Variants in MYOCD observed in about 807,000 individuals in gnomAD.
MYOCD encodes myocardin.
A neutral mutation model predicts 96.1 loss-of-function variants in MYOCD; 32 were observed. That is an observed-to-expected ratio of 0.33 (90% CI 0.25 to 0.45). The LOEUF (loss-of-function observed/expected upper bound fraction) is 0.45. Among genes scored for constraint, MYOCD ranks in the 20% least tolerant of loss-of-function variants. The probability of loss-of-function intolerance (pLI) is 1.00; values close to 1 mark genes in which losing one functional copy is unlikely to be tolerated. For synonymous variants in MYOCD, 469 were observed against 469.0 expected (o/e 1.00, Z 0.00); for missense variants, 1,133 against 1,200.6 (o/e 0.94, Z 0.83).
intron 1 of MYOCD, among the ~76,000 whole-genome samples, chr17:12,703,984 C>G (rs567519063): frequency 6.6e-6 from 1 of 152,238 alleles, no homozygotes; most frequent in Non-Finnish European, 1.5e-5. Context: ...TTGGAAATAA[C>G]TATTTTAAAG....
In MYOCD at chr17:12,763,211, C is replaced by T. The variant is rs756091535; in HGVS notation, c.2528C>T (p.Pro843Leu). 6.2e-7 allele frequency: 1 copy of T among 1,613,984 alleles called. No homozygotes were observed. The highest frequency in any genetic ancestry group is 1.3e-5 in the African/African-American group (1 of 74,902). The change falls in exon 14 of 14, where the codon CCC (proline) becomes CTC (leucine). Residue 843 changes from proline to leucine, a missense_variant. Pro to Leu is a moderately conservative substitution (Grantham distance 98, BLOSUM62 -3). Coordinates refer to ENST00000425538, the MANE Select transcript of MYOCD (RefSeq NM_001146312.3). ...FEQASSGSQIPFDPYATDSDE... is the reference protein window; with the variant it reads ...FEQASSGSQILFDPYATDSDE... The stretch of plus-strand genomic sequence containing the variant: ...CAAGCCTCTTCAGGCAGCCAGATCC[C>T]CTTTGATCCCTATGCCACCGACAGT...
chr17:12,677,348 C>T (rs1031864031), intron 1 of MYOCD, among the ~76,000 whole-genome samples: 1 of 152,022 alleles, frequency 6.6e-6, no homozygotes, highest in Non-Finnish European at 1.5e-5. Flanking sequence ...CAACAAACCC[C>T]CATGACACGC....
At chr17:12,718,053 A>G (rs1046973089) in intron 4 of MYOCD, among the ~76,000 whole-genome samples, 4 of 151,934 alleles carry the variant, frequency 2.6e-5, no homozygotes, top group Non-Finnish European at 4.4e-5. Flanking sequence ...ATTGGTGCCC[A>G]CCCTAAAAGA....
intron 1 of MYOCD, among the ~76,000 whole-genome samples, chr17:12,700,399 ATTTTTT>A (rs952565560): frequency 2.0e-4 from 15 of 76,890 alleles, no homozygotes; most frequent in African/African-American, 8.1e-4. Context: ...CAATGGGAGA[ATTTTTT>A]TTTTTTTTTT....
chr17:12,717,380 G>C lies in MYOCD; in HGVS notation c.212G>C (p.Arg71Thr). The C allele has an allele frequency of 6.2e-7, 1 of 1,614,102 alleles. No homozygotes were observed. Among genetic ancestry groups the C allele is most frequent in the Non-Finnish European group, 8.5e-7 (1 of 1,179,998 alleles). ...KNSLKRKARN[R>T]CNSADLVNMH... Reference sequence around the variant, plus strand: ...TCCCTGAAGCGCAAAGCCAGAAACAGGTGCAACAGTGCCGACTTGGTTAAT... The same window carrying C: ...TCCCTGAAGCGCAAAGCCAGAAACACGTGCAACAGTGCCGACTTGGTTAAT... The change falls in exon 4 of 14, where the codon AGG becomes ACG. Residue 71 changes from arginine (R) to threonine (T), a missense_variant. Transcript: ENST00000425538.
At chr17:12,727,045 G>T (rs2032019917) in intron 5 of MYOCD, among the ~76,000 whole-genome samples, 1 of 152,146 alleles carries the variant, frequency 6.6e-6, no homozygotes, top group African/African-American at 2.4e-5. Flanking sequence ...AAGTTTCTCT[G>T]AAGAATCATG....
intron 1 of MYOCD, among the ~76,000 whole-genome samples, chr17:12,685,089 A>G (rs1393943151): frequency 6.6e-6 from 1 of 151,908 alleles, no homozygotes; most frequent in Non-Finnish European, 1.5e-5. Context: ...TGAGGTCAGG[A>G]GTTCGAGACT....
intron 10 of MYOCD, 60 bp downstream of exon 10, chr17:12,753,406 T>G: frequency 7.0e-7 from 1 of 1,437,466 alleles, no homozygotes; most frequent in South Asian, 1.4e-5. Flanking sequence ...GTTACAAATT[T>G]TCAACTGCTA....
chr17:12,763,730 C>T lies in MYOCD; in HGVS notation c.*86C>T. On this transcript the variant is annotated 3_prime_UTR_variant, in exon 14 of 14. Coordinates refer to ENST00000425538, the MANE Select transcript of MYOCD (RefSeq NM_001146312.3). ...CCATACATACTTTACTGTCCAAAAA[C>T]AGAAGAAGAAGAAGAGAATTAAAAA... The T allele has an allele frequency of 8.7e-7, 1 of 1,154,742 alleles. No homozygotes were observed. Among genetic ancestry groups the T allele is most frequent in the Non-Finnish European group, 1.2e-6 (1 of 824,418 alleles). The allele number at this position is 1,154,742 out of a possible 1,614,324, so 71.5% of individuals were successfully genotyped here.
At chr17:12,729,455 G>C (rs568334424) in intron 5 of MYOCD, among the ~76,000 whole-genome samples, 7 of 152,136 alleles carry the variant, frequency 4.6e-5, no homozygotes, top group Non-Finnish European at 1.0e-4. Flanking sequence ...ATTGAGAGGT[G>C]GGCAGGGCAT....
intron 1 of MYOCD, among the ~76,000 whole-genome samples, chr17:12,676,657 A>C (rs561589481): frequency 6.6e-6 from 1 of 152,272 alleles, no homozygotes; most frequent in African/African-American, 2.4e-5. Context: ...TTGTTCTCAA[A>C]TTCTCATTAA....
intron 5 of MYOCD, among the ~76,000 whole-genome samples, chr17:12,731,839 G>T (rs2032180865): frequency 6.6e-6 from 1 of 152,236 alleles, no homozygotes; most frequent in Admixed American, 6.5e-5. Flanking sequence ...ACTTACAGGA[G>T]CCCCTCCACT....
intron 1 of MYOCD, among the ~76,000 whole-genome samples, chr17:12,703,875 T>C (rs1207697410): frequency 1.3e-5 from 2 of 152,204 alleles, no homozygotes; most frequent in Non-Finnish European, 2.9e-5. Context: ...TATTGTATTG[T>C]TAAGTTTTAA....
In MYOCD at chr17:12,765,769, A is replaced by G. The variant is rs1423240363; in HGVS notation, c.*2125A>G. The G allele has an allele frequency of 6.6e-6, 1 of 152,246 alleles. No individual in the cohort carries two copies. Among genetic ancestry groups the G allele is most frequent in the East Asian group, 1.9e-4 (1 of 5,196 alleles). 9.4% of individuals were successfully genotyped at this position (152,246 alleles called of 1,614,324 possible). ...CCCGATGACTCACAGCTACTTGCTT[A>G]TCGTGAACAAGCTCATCTTGGCAAT... is the stretch of plus-strand genomic sequence containing the variant. On this transcript the variant is annotated 3_prime_UTR_variant, in exon 14 of 14. Coordinates refer to ENST00000425538, the MANE Select transcript of MYOCD (RefSeq NM_001146312.3).
chr17:12,754,303 C>T (rs1309163609), intron 10 of MYOCD, among the ~76,000 whole-genome samples: 1 of 152,158 alleles, frequency 6.6e-6, no homozygotes, highest in Non-Finnish European at 1.5e-5. Flanking sequence ...AGAGTTTCAC[C>T]ATGTTGGCCA....
intron 9 of MYOCD, among the ~76,000 whole-genome samples, chr17:12,746,731 T>TTC (rs2032675881): frequency 6.8e-6 from 1 of 146,940 alleles, no homozygotes; most frequent in Non-Finnish European, 1.5e-5. Flanking sequence ...GCCTACCTTT[T>TTC]TTTTTTTTTT....
intron 1 of MYOCD, among the ~76,000 whole-genome samples, chr17:12,699,447 C>A (rs2030952552): frequency 6.6e-6 from 1 of 152,178 alleles, no homozygotes; most frequent in South Asian, 2.1e-4. Flanking sequence ...TATTTCTCTT[C>A]TTTTAGAAAT....
chr17:12,679,278 G>A (rs1036558081), intron 1 of MYOCD, among the ~76,000 whole-genome samples: 21 of 152,230 alleles, frequency 1.4e-4, no homozygotes, highest in African/African-American at 4.3e-4. Flanking sequence ...AGATGAGAAG[G>A]GGAGATGGAA....
intron 1 of MYOCD, among the ~76,000 whole-genome samples, chr17:12,673,438 G>A (rs1909821202): frequency 6.6e-6 from 1 of 152,084 alleles, no homozygotes; most frequent in East Asian, 1.9e-4. Context: ...TTTATCGTTA[G>A]TATAATAGCA....
Sources: gnomAD v4.1 joint callset for allele counts (sites outside exome capture counted in the v4.1 genomes callset) on GRCh38, gnomAD v4.1.1 for gene constraint, MANE v1.5 for transcripts, NCBI Gene and HGNC (gene_info 2026-07-23, HGNC 2026-07-21) for gene names.